GALNTL6: variants seen among roughly 807,000 people sequenced by gnomAD.
GALNTL6 encodes the protein polypeptide N-acetylgalactosaminyltransferase-like 6.
A neutral mutation model predicts 73.7 loss-of-function variants in GALNTL6; 46 were observed. That is an observed-to-expected ratio of 0.62 (90% CI 0.49 to 0.80). GALNTL6 has a LOEUF of 0.80. GALNTL6 is among the 30% of genes least tolerant of loss of function. The pLI, the probability that GALNTL6 is intolerant of heterozygous loss-of-function variation, is 0.00. For missense variants in GALNTL6, 604 were observed against 755.0 expected (o/e 0.80, Z 2.34); for synonymous variants, 259 against 263.7 (o/e 0.98, Z 0.17).
At chr4:171,963,250 C>A (rs193281762) in intron 2 of GALNTL6, among the ~76,000 whole-genome samples, 145 of 152,176 alleles carry the variant, frequency 9.5e-4, no homozygotes, top group Non-Finnish European at 1.0e-3. Context: ...TGTCCAACGG[C>A]ACAGCAAATG....
At chr4:171,815,260 G>A (rs941443684) in intron 2 of GALNTL6, 1 of 155,550 alleles carries the variant, frequency 6.4e-6, no homozygotes, top group Non-Finnish European at 1.4e-5. Flanking sequence ...CTGTTGCTAA[G>A]GTGCTGCCAT....
At chr4:171,850,852 A>T (rs1186966089) in intron 2 of GALNTL6, among the ~76,000 whole-genome samples, 7 of 152,098 alleles carry the variant, frequency 4.6e-5, no homozygotes, top group Admixed American at 4.6e-4. Context: ...CTAGGATTTT[A>T]GATTTAGTTT....
At chr4:171,947,094 T>G (rs1738723692) in intron 2 of GALNTL6, among the ~76,000 whole-genome samples, 1 of 152,116 alleles carries the variant, frequency 6.6e-6, no homozygotes, top group Non-Finnish European at 1.5e-5. Flanking sequence ...TTTTGAATAC[T>G]TTCTTACATA....
chr4:172,606,665 A>ATATATAG (rs1560832455), intron 5 of GALNTL6, among the ~76,000 whole-genome samples: 118 of 38,818 alleles, frequency 3.0e-3, no homozygotes, highest in African/African-American at 7.8e-3. Flanking sequence ...TATATATACT[A>ATATATAG]TATATATATA....
chr4:172,309,060 G>A (rs1740257423), intron 3 of GALNTL6, among the ~76,000 whole-genome samples: 1 of 142,008 alleles, frequency 7.0e-6, no homozygotes, highest in Admixed American at 7.6e-5. Flanking sequence ...AAACAGGGAA[G>A]CAAAGAAGAT....
At position 171,921,039 on chromosome 4, in the gene GALNTL6, T is replaced by C. The variant is rs192106289; in HGVS notation, c.138+106321T>C. On this transcript the variant is annotated intron_variant, in intron 2 of 12. Coordinates refer to ENST00000506823, the MANE Select transcript of GALNTL6 (RefSeq NM_001034845.3). Reference sequence around the variant, plus strand: ...TCTAAAATGTCATGACTGGCATGTATCTTTCTAATGTTATCTAGTAATTAG... The same window carrying C: ...TCTAAAATGTCATGACTGGCATGTACCTTTCTAATGTTATCTAGTAATTAG... Among the ~76,000 whole-genome samples the C allele has an allele frequency of 1.3e-4, 20 of 152,272 alleles. No homozygotes were observed. In the East Asian group the frequency reaches 3.1e-3, roughly 24 times the overall value.
At chr4:172,946,227 C>T (rs912041779) in intron 9 of GALNTL6, among the ~76,000 whole-genome samples, 6 of 151,820 alleles carry the variant, frequency 4.0e-5, no homozygotes, top group African/African-American at 7.3e-5. Flanking sequence ...ATTTGAGAAG[C>T]GGGATCTTGC....
intron 2 of GALNTL6, among the ~76,000 whole-genome samples, chr4:171,990,250 C>T (rs1294765508): frequency 6.6e-6 from 1 of 152,154 alleles, no homozygotes; most frequent in Non-Finnish European, 1.5e-5. Context: ...TAAAATTTAT[C>T]AAGTGCATAC....
chr4:172,988,945 G>T (rs901473365), intron 10 of GALNTL6, among the ~76,000 whole-genome samples: 2 of 152,228 alleles, frequency 1.3e-5, no homozygotes, highest in African/African-American at 4.8e-5. Flanking sequence ...GAAGTCTGCT[G>T]CAGGGGCCTG....
intron 5 of GALNTL6, among the ~76,000 whole-genome samples, chr4:172,660,336 G>T (rs558573078): frequency 6.6e-4 from 100 of 152,258 alleles, no homozygotes; most frequent in African/African-American, 2.3e-3. Context: ...CAGAACTGAC[G>T]CCTAAGAAGA....
At position 172,338,845 on chromosome 4, in the gene GALNTL6, G is replaced by C. The variant is rs577545593; in HGVS notation, c.387-9678G>C. On this transcript the variant is annotated intron_variant, in intron 4 of 12. Coordinates refer to ENST00000506823, the MANE Select transcript of GALNTL6 (RefSeq NM_001034845.3). The stretch of plus-strand genomic sequence containing the variant: ...ACCAAGCACCAAGAAATGTGCCTAC[G>C]ACTGGCGCTGGGAAACCTCTTGAGT... Among the ~76,000 whole-genome samples the C allele has an allele frequency of 2.6e-5, 4 of 152,260 alleles. No homozygotes were observed. In the East Asian group the frequency reaches 7.8e-4, roughly 30 times the overall value.
In GALNTL6 at chr4:172,599,909, A is replaced by G. The variant is rs77810953; in HGVS notation, c.554-209452A>G. 8.5e-3 allele frequency among the ~76,000 whole-genome samples: 1,297 copies of G among 152,292 alleles called. 24 individuals carry two copies. The highest frequency in any genetic ancestry group is 0.03 in the African/African-American group (1,244 of 41,560). On this transcript the variant is annotated intron_variant, in intron 5 of 12. Transcript: ENST00000506823. ...ATGAGAGTGTATAATGTGCCTTTAA[A>G]AAAACAACAGCAAAAAAGACAATCT...
chr4:172,667,639 C>T (rs1048201302), intron 5 of GALNTL6: 5 of 152,260 alleles, frequency 3.3e-5, no homozygotes, highest in African/African-American at 1.2e-4. Context: ...TGGCATCTTC[C>T]TCCTGCTTCA....
At chr4:172,199,046 G>T (rs542876622) in intron 2 of GALNTL6, among the ~76,000 whole-genome samples, 1 of 152,136 alleles carries the variant, frequency 6.6e-6, no homozygotes, top group African/African-American at 2.4e-5. Flanking sequence ...ACCAAAGTTT[G>T]TTTCTATGCA....
rs140235898 is a variant in GALNTL6 at position 172,117,787 on chromosome 4, A to T, written c.139-111869A>T. Reference sequence around the variant, plus strand: ...TCAACAACATTGTTGAGACCAAAAGAAATTAGAATAAAAAGAGACGAAATT... The same window carrying T: ...TCAACAACATTGTTGAGACCAAAAGTAATTAGAATAAAAAGAGACGAAATT... On this transcript the variant is annotated intron_variant, in intron 2 of 12. Coordinates refer to ENST00000506823, the MANE Select transcript of GALNTL6 (RefSeq NM_001034845.3). Among the ~76,000 whole-genome samples, 410 of 152,304 alleles carry T rather than the reference A, an allele frequency of 2.7e-3. 2 individuals carry two copies. The highest frequency in any genetic ancestry group is 9.4e-3 in the African/African-American group (391 of 41,580).
chr4:172,941,367 T>C (rs989426659), intron 9 of GALNTL6, among the ~76,000 whole-genome samples: 5 of 152,360 alleles, frequency 3.3e-5, no homozygotes, highest in Non-Finnish European at 4.4e-5. Flanking sequence ...CTATCATGAT[T>C]AATCATTACT....
At chr4:172,568,650 CGGGA>C (rs1023843267) in intron 5 of GALNTL6, among the ~76,000 whole-genome samples, 5 of 141,810 alleles carry the variant, frequency 3.5e-5, no homozygotes, top group African/African-American at 1.3e-4. Context: ...CCCAGCTACT[CGGGA>C]GGCTGAGGCA....
intron 9 of GALNTL6, among the ~76,000 whole-genome samples, chr4:172,948,347 T>G (rs181598051): frequency 6.6e-6 from 1 of 152,222 alleles, no homozygotes; most frequent in Non-Finnish European, 1.5e-5. Flanking sequence ...GAATCGATGA[T>G]TTCACATGAT....
chr4:172,928,013 C>T (rs1748146904), intron 8 of GALNTL6, among the ~76,000 whole-genome samples: 1 of 152,194 alleles, frequency 6.6e-6, no homozygotes, highest in Admixed American at 6.5e-5. Flanking sequence ...CTCCCACATA[C>T]ATTATCTTAG....
Sources: allele counts gnomAD v4.1 joint callset (sites outside exome capture counted in the v4.1 genomes callset), GRCh38; gene constraint gnomAD v4.1.1; transcripts MANE v1.5; gene names NCBI Gene and HGNC (gene_info 2026-07-23, HGNC 2026-07-21).